DPP10: variants seen among roughly 807,000 people sequenced by gnomAD.
DPP10 encodes inactive dipeptidyl peptidase 10.
DPP10 carries 33 observed loss-of-function variants against 120.9 expected under a neutral mutation model. The ratio of observed to expected loss-of-function variants is 0.27; its 90% CI spans 0.21 to 0.37. The LOEUF is 0.37. DPP10 is among the 10% of genes least tolerant of loss of function. DPP10 has a pLI of 1.00. For missense variants in DPP10, 816 were observed against 942.8 expected (o/e 0.87, Z 1.76); for synonymous variants, 337 against 326.1 (o/e 1.03, Z -0.36).
chr2:115,362,482 T>C (rs569154249), intron 3 of DPP10, among the ~76,000 whole-genome samples: 65 of 152,216 alleles, frequency 4.3e-4, no homozygotes, highest in Non-Finnish European at 7.2e-4. Flanking sequence ...ATAGAAAAAA[T>C]CCATAACAAA....
At chr2:115,709,443 C>T (rs1310852533) in intron 7 of DPP10, among the ~76,000 whole-genome samples, 1 of 151,908 alleles carries the variant, frequency 6.6e-6, no homozygotes, top group Admixed American at 6.6e-5. Flanking sequence ...ATTTCCTGAC[C>T]TTCATAAAAA....
chr2:115,304,377 A>G (rs1256770837), intron 1 of DPP10, among the ~76,000 whole-genome samples: 1 of 152,086 alleles, frequency 6.6e-6, no homozygotes, highest in East Asian at 1.9e-4. Flanking sequence ...GAACGTAAAC[A>G]GTGTTCACAC....
At chr2:114,675,758 GA>G (rs1416154716) in intron 1 of DPP10, among the ~76,000 whole-genome samples, 1 of 151,856 alleles carries the variant, frequency 6.6e-6, no homozygotes, top group Non-Finnish European at 1.5e-5. Context: ...TTTTTAAAAG[GA>G]AAGTATAAAT....
At chr2:114,699,468 C>A (rs1036922345) in intron 1 of DPP10, among the ~76,000 whole-genome samples, 1 of 152,046 alleles carries the variant, frequency 6.6e-6, no homozygotes, top group African/African-American at 2.4e-5. Flanking sequence ...ACACTGCAAA[C>A]ACTGTTATGG....
intron 1 of DPP10, chr2:114,833,544 C>G (rs962261068): frequency 6.6e-6 from 1 of 152,132 alleles, no homozygotes; most frequent in East Asian, 1.9e-4. Flanking sequence ...ACAGGTGGAA[C>G]GTATAGTGCT....
At chr2:114,923,509 C>T (rs1695365866) in intron 1 of DPP10, among the ~76,000 whole-genome samples, 1 of 104,458 alleles carries the variant, frequency 9.6e-6, no homozygotes, top group South Asian at 3.5e-4. Flanking sequence ...GACAGAGTCT[C>T]ACTCTGTCGC....
chr2:115,642,797 A>G (rs2086893317), intron 5 of DPP10, among the ~76,000 whole-genome samples: 1 of 152,082 alleles, frequency 6.6e-6, no homozygotes, highest in Non-Finnish European at 1.5e-5. Context: ...TCTGATACAG[A>G]CACATTTCTG....
At chr2:114,491,576 C>G (rs1485666424) in intron 1 of DPP10, among the ~76,000 whole-genome samples, 1 of 152,144 alleles carries the variant, frequency 6.6e-6, no homozygotes, top group Non-Finnish European at 1.5e-5. Flanking sequence ...TATCAGTTTC[C>G]TTGCACACTA....
chr2:114,589,042 G>T (rs533561317), intron 1 of DPP10, among the ~76,000 whole-genome samples: 3 of 150,906 alleles, frequency 2.0e-5, no homozygotes, highest in Non-Finnish European at 4.4e-5. Context: ...TTTTTTGGGG[G>T]GGGGGGTAGG....
At chr2:115,221,103 A>T (rs1262933787) in intron 1 of DPP10, among the ~76,000 whole-genome samples, 1 of 151,470 alleles carries the variant, frequency 6.6e-6, no homozygotes, top group African/African-American at 2.4e-5. Context: ...TTTTGCCCAG[A>T]GTGTGTGTTT....
chr2:115,525,132 A>G (rs2078049556), intron 4 of DPP10, among the ~76,000 whole-genome samples: 1 of 152,098 alleles, frequency 6.6e-6, no homozygotes, highest in African/African-American at 2.4e-5. Flanking sequence ...TTAAAATTTT[A>G]TACTATTTAT....
At chr2:115,160,906 C>T (rs1040286694) in intron 1 of DPP10, among the ~76,000 whole-genome samples, 1 of 152,136 alleles carries the variant, frequency 6.6e-6, no homozygotes, top group African/African-American at 2.4e-5. Flanking sequence ...TCTCTCTGAG[C>T]CTCACAGTGT....
intron 1 of DPP10, among the ~76,000 whole-genome samples, chr2:114,499,128 T>C (rs1682933871): frequency 6.6e-6 from 1 of 152,184 alleles, no homozygotes; most frequent in Non-Finnish European, 1.5e-5. Flanking sequence ...CTATCCCTGA[T>C]CTCTCATGCT....
intron 1 of DPP10, among the ~76,000 whole-genome samples, chr2:114,742,294 T>C (rs1022360277): frequency 2.0e-5 from 3 of 151,536 alleles, no homozygotes; most frequent in Non-Finnish European, 4.4e-5. Context: ...TGTTGACTAA[T>C]GTTAAAATAG....
chr2:115,561,692 A>T (rs2080687853), intron 5 of DPP10, among the ~76,000 whole-genome samples: 1 of 152,132 alleles, frequency 6.6e-6, no homozygotes, highest in Non-Finnish European at 1.5e-5. Context: ...ATGGCTATTA[A>T]TTTTCCTTAT....
chr2:114,631,898 C>G (rs1694953760), intron 1 of DPP10, among the ~76,000 whole-genome samples: 1 of 152,232 alleles, frequency 6.6e-6, no homozygotes, highest in Non-Finnish European at 1.5e-5. Flanking sequence ...AGTATCTAAT[C>G]TGGTTCTAAT....
rs529507375 is a variant in DPP10, at chr2:114,772,984, G to C, written c.60+330146G>C. Among the ~76,000 whole-genome samples the C allele has an allele frequency of 2.0e-5, 3 of 152,104 alleles. No individual in the cohort carries two copies. The South Asian group carries it at 6.2e-4, about 32-fold the overall frequency. On this transcript the variant is annotated intron_variant, in intron 1 of 25. Transcript: ENST00000410059. ...TATGAAATTTGGGGGATTAAAATCT[G>C]GCTTAGAGAGAGTAGGTCACTTCAA...
chr2:115,627,717 C>G (rs957327390), intron 5 of DPP10, among the ~76,000 whole-genome samples: 7 of 152,106 alleles, frequency 4.6e-5, no homozygotes, highest in African/African-American at 1.7e-4. Flanking sequence ...GAGTGTTGTT[C>G]CCCTCCCTGT....
chr2:114,785,374 C>A (rs953541681), intron 1 of DPP10, among the ~76,000 whole-genome samples: 5 of 152,018 alleles, frequency 3.3e-5, no homozygotes, highest in African/African-American at 1.2e-4. Context: ...CTGTTTCTGG[C>A]AGCTCTGCCT....
Sources: gnomAD v4.1 joint callset for allele counts (sites outside exome capture counted in the v4.1 genomes callset) on GRCh38, gnomAD v4.1.1 for gene constraint, MANE v1.5 for transcripts, NCBI Gene and HGNC (gene_info 2026-07-23, HGNC 2026-07-21) for gene names.